The following AQP9 variants were observed in gnomAD, a reference collection of about 807,000 sequenced individuals.
AQP9 encodes aquaporin-9.
In AQP9, 19 loss-of-function variants were observed where a neutral mutation model predicts 23.8. The observed-to-expected ratio is 0.80, with a 90% CI of 0.56 to 1.17. The LOEUF (loss-of-function observed/expected upper bound fraction) is 1.17, where lower values mean the gene tolerates loss of function less well. Among genes scored for constraint, AQP9 ranks in the 50% most tolerant of loss-of-function variants. The pLI is 0.00. For missense variants in AQP9, 413 were observed against 362.0 expected (o/e 1.14, Z -1.14); for synonymous variants, 153 against 131.5 (o/e 1.16, Z -1.12).
chr15:58,144,677 G>A (rs542651829), intron 1 of AQP9, among the ~76,000 whole-genome samples: 31 of 151,850 alleles, frequency 2.0e-4, no homozygotes, highest in African/African-American at 6.5e-4. Context: ...GCATGTGCAC[G>A]AAAAAAGAGA....
chr15:58,150,999 G>A (rs571371913), intron 1 of AQP9: 4 of 152,152 alleles, frequency 2.6e-5, no homozygotes, highest in South Asian at 2.1e-4. Flanking sequence ...AAATGATTTC[G>A]ACTCATTAGA....
chr15:58,142,209 T>C (rs1329185426), intron 1 of AQP9, among the ~76,000 whole-genome samples: 1 of 152,170 alleles, frequency 6.6e-6, no homozygotes, highest in South Asian at 2.1e-4. Context: ...CCTGTTTGAA[T>C]GTTTCCTGAA....
intron 5 of AQP9, among the ~76,000 whole-genome samples, chr15:58,183,277 A>G (rs1232845895): frequency 6.6e-6 from 1 of 152,156 alleles, no homozygotes; most frequent in Non-Finnish European, 1.5e-5. Context: ...ATTTACATGG[A>G]TTTTCTCTCT....
intron 2 of AQP9, among the ~76,000 whole-genome samples, chr15:58,167,734 G>A (rs1224850900): frequency 3.3e-5 from 5 of 150,602 alleles, no homozygotes; most frequent in Non-Finnish European, 7.4e-5. Context: ...GTTTGGTTTT[G>A]TTTTTTTTTA....
At chr15:58,150,570 C>A (rs1459794689) in intron 1 of AQP9, 1 of 152,522 alleles carries the variant, frequency 6.6e-6, no homozygotes, top group East Asian at 1.9e-4. Flanking sequence ...GGATCCTACT[C>A]TTTTAGTATA....
At chr15:58,170,290 C>T (rs1898592104) in intron 2 of AQP9, among the ~76,000 whole-genome samples, 1 of 152,188 alleles carries the variant, frequency 6.6e-6, no homozygotes, top group African/African-American at 2.4e-5. Context: ...AGCCCTTTTC[C>T]TCATTGCTTT....
intron 1 of AQP9, among the ~76,000 whole-genome samples, chr15:58,160,021 C>T (rs1418725526): frequency 2.6e-5 from 4 of 152,132 alleles, no homozygotes; most frequent in Admixed American, 6.5e-5. Context: ...TGGATACATG[C>T]CCAGTATTGA....
Position 58,173,177 on chromosome 15 carries a change from G to T in AQP9, c.348G>T (p.Gly116=). The T allele has an allele frequency of 1.2e-6, 2 of 1,614,086 alleles. No individual in the cohort carries two copies. Among genetic ancestry groups the T allele is most frequent in the Non-Finnish European group, 1.7e-6 (2 of 1,180,010 alleles). The change falls in exon 3 of 6, where the codon GGG becomes GGT. Residue 116 remains glycine, a synonymous_variant. Coordinates refer to ENST00000219919, the MANE Select transcript of AQP9 (RefSeq NM_020980.5). ...CCCAGTTCTTGGGAGCCTTTGTGGGGGCTGCAACCGTCTTTGGCATTTACT... is the reference window on the plus strand; with the variant it reads ...CCCAGTTCTTGGGAGCCTTTGTGGGTGCTGCAACCGTCTTTGGCATTTACT... ...VGAQFLGAFV[G]AATVFGIYYD... is the part of the protein sequence containing the mutation.
intron 4 of AQP9, among the ~76,000 whole-genome samples, chr15:58,178,441 T>G (rs1898804379): frequency 6.6e-6 from 1 of 152,200 alleles, no homozygotes; most frequent in African/African-American, 2.4e-5. Flanking sequence ...TTAGATTATT[T>G]CCATTGTGTA....
At chr15:58,154,207 G>C (rs1277072681) in intron 1 of AQP9, 2 of 152,042 alleles carry the variant, frequency 1.3e-5, no homozygotes, top group Non-Finnish European at 2.9e-5. Flanking sequence ...CCCAACTCAA[G>C]TCTATTTACA....
intron 1 of AQP9, among the ~76,000 whole-genome samples, chr15:58,140,954 A>T (rs189267876): frequency 5.8e-4 from 89 of 152,322 alleles, no homozygotes; most frequent in African/African-American, 2.1e-3. Flanking sequence ...GGTATAAAGG[A>T]CTGATAAGGC....
intron 2 of AQP9, 104 bp from the exon 3 acceptor site, chr15:58,172,964 A>T: frequency 7.1e-7 from 1 of 1,411,660 alleles, no homozygotes; most frequent in Non-Finnish European, 9.8e-7. Context: ...CATAGGCAGT[A>T]GTTCTCTGCC....
intron 1 of AQP9, among the ~76,000 whole-genome samples, chr15:58,160,821 T>C (rs1034274810): frequency 2.6e-5 from 4 of 152,172 alleles, no homozygotes; most frequent in African/African-American, 9.7e-5. Context: ...TTTCAGCTCA[T>C]CATTAAGAAT....
At chr15:58,174,014 T>C (rs1323484182) in intron 3 of AQP9, among the ~76,000 whole-genome samples, 1 of 152,122 alleles carries the variant, frequency 6.6e-6, no homozygotes, top group Non-Finnish European at 1.5e-5. Context: ...GGGTGTGTGG[T>C]GGCTCATGCC....
intron 1 of AQP9, among the ~76,000 whole-genome samples, chr15:58,159,193 G>C (rs1263317210): frequency 6.6e-6 from 1 of 152,102 alleles, no homozygotes; most frequent in East Asian, 1.9e-4. Context: ...TCATGGCTCA[G>C]TTGAGAACTG....
intron 2 of AQP9, among the ~76,000 whole-genome samples, chr15:58,169,457 C>T (rs746891366): frequency 2.6e-5 from 4 of 152,162 alleles, no homozygotes; most frequent in South Asian, 2.1e-4. Flanking sequence ...GTGTGGACAA[C>T]AGCATCAGTA....
At chr15:58,157,408 C>T (rs1261941089) in intron 1 of AQP9, among the ~76,000 whole-genome samples, 1 of 152,102 alleles carries the variant, frequency 6.6e-6, no homozygotes, top group Non-Finnish European at 1.5e-5. Context: ...TTTAGAATGT[C>T]CACCTGGCTT....
intron 2 of AQP9, among the ~76,000 whole-genome samples, chr15:58,168,519 A>G (rs2414543): frequency 0.19 from 28,780 of 151,872 alleles, 2,952 homozygotes; most frequent in African/African-American, 0.27. Flanking sequence ...CGGAATGGCC[A>G]TTGACCAGCT....
intron 3 of AQP9, among the ~76,000 whole-genome samples, chr15:58,173,812 G>A (rs1351456110): frequency 6.6e-6 from 1 of 152,198 alleles, no homozygotes. Flanking sequence ...TGGAAAATGA[G>A]GGAATTGAAT....
Sources: allele counts gnomAD v4.1 joint callset (sites outside exome capture counted in the v4.1 genomes callset), GRCh38; gene constraint gnomAD v4.1.1; transcripts MANE v1.5; gene names NCBI Gene and HGNC (gene_info 2026-07-23, HGNC 2026-07-21).